Variants in PAFAH2 observed in about 807,000 individuals in gnomAD.
PAFAH2 encodes platelet activating factor acetylhydrolase 2.
In PAFAH2, 42 loss-of-function variants were observed where a neutral mutation model predicts 49.0. The ratio of observed to expected loss-of-function variants is 0.86; its 90% CI spans 0.67 to 1.11. The LOEUF (loss-of-function observed/expected upper bound fraction) is 1.11, where lower values mean the gene tolerates loss of function less well. Among genes scored for constraint, PAFAH2 ranks in the 50% least tolerant of loss-of-function variants. The pLI is 0.00. For missense variants in PAFAH2, 503 were observed against 501.8 expected (o/e 1.00, Z -0.02); for synonymous variants, 184 against 181.3 (o/e 1.01, Z -0.12).
At position 25,961,275 on chromosome 1, in the gene PAFAH2, C is replaced by A. The variant is rs894877553; in HGVS notation, c.*714G>T. ...GCTTTTGTTGTTTCCTATCAAGATA[C>A]ACTTAGCAAAACCCCCAAAGACATC... is the stretch of plus-strand genomic sequence containing the variant. On this transcript the variant is annotated 3_prime_UTR_variant, in exon 11 of 11. Coordinates refer to ENST00000374282, the MANE Select transcript of PAFAH2 (RefSeq NM_000437.4). 1 of 152,180 alleles carries A rather than the reference C, an allele frequency of 6.6e-6. No homozygotes were observed. The highest frequency in any genetic ancestry group is 2.1e-4 in the South Asian group (1 of 4,828). The allele number at this position is 152,180 out of a possible 1,614,324, so 9.4% of individuals were successfully genotyped here.
In PAFAH2 at chr1:25,976,719, TG is replaced by T. The variant is rs767649194; in HGVS notation, c.720del (p.Thr241GlnfsTer53). The T allele has an allele frequency of 2.1e-5, 34 of 1,614,258 alleles. No individual in the cohort carries two copies. In the South Asian group the frequency reaches 2.3e-4, roughly 11 times the overall value. On this transcript the variant is annotated frameshift_variant, in exon 8 of 11. Coordinates refer to ENST00000374282, the MANE Select transcript of PAFAH2 (RefSeq NM_000437.4). LOFTEE classifies it high-confidence loss of function. ...VAVMGHSFGG[A>X]TAILALAKET... ...TCCTTGGCCAAAGCCAGAATAGCTG[TG>T]GCCCCTCCAAATGAATGTCCCATCA...
intron 6 of PAFAH2, 94 bp from the exon 7 acceptor site, chr1:25,982,571 T>A: frequency 1.0e-6 from 1 of 965,628 alleles, no homozygotes; most frequent in Non-Finnish European, 1.6e-6. Flanking sequence ...AATGCACAGA[T>A]AGTCTACCCA....
chr1:25,963,752 C>T (rs373733322), intron 10 of PAFAH2, among the ~76,000 whole-genome samples: 12 of 152,180 alleles, frequency 7.9e-5, no homozygotes, highest in East Asian at 1.9e-4. Context: ...CCGCCCGCCT[C>T]GGCCTCCCAA....
intron 10 of PAFAH2, among the ~76,000 whole-genome samples, chr1:25,968,353 G>T (rs924660762): frequency 6.6e-6 from 1 of 152,064 alleles, no homozygotes; most frequent in African/African-American, 2.4e-5. Context: ...GTGGTGTTGG[G>T]AGTCTGAGGA....
intron 1 of PAFAH2, among the ~76,000 whole-genome samples, chr1:25,991,407 G>C (rs990162560): frequency 5.3e-5 from 8 of 152,006 alleles, no homozygotes; most frequent in African/African-American, 1.9e-4. Flanking sequence ...AGCCTCCTGA[G>C]TAGCTGGGAT....
intron 1 of PAFAH2, among the ~76,000 whole-genome samples, chr1:25,992,244 A>C (rs528561037): frequency 6.6e-6 from 1 of 152,314 alleles, no homozygotes; most frequent in South Asian, 2.1e-4. Context: ...AAACTACTGA[A>C]TATGGGGTAG....
intron 1 of PAFAH2, among the ~76,000 whole-genome samples, 184 bp downstream of exon 1, chr1:25,997,841 C>A (rs940641291): frequency 6.6e-6 from 1 of 151,978 alleles, no homozygotes; most frequent in Non-Finnish European, 1.5e-5. Flanking sequence ...GTTAAAAGTG[C>A]GAGGCGACCG....
chr1:25,996,173 T>C (rs1248937044), intron 1 of PAFAH2, among the ~76,000 whole-genome samples: 1 of 151,230 alleles, frequency 6.6e-6, no homozygotes, highest in East Asian at 1.9e-4. Context: ...CTGGGCAACA[T>C]GGCAAAATCC....
At chr1:25,963,496 A>G (rs1284976247) in intron 10 of PAFAH2, among the ~76,000 whole-genome samples, 3 of 151,896 alleles carry the variant, frequency 2.0e-5, no homozygotes, top group East Asian at 1.9e-4. Flanking sequence ...GAAGGACCCA[A>G]TGTTTTTTGT....
chr1:25,976,170 A>G (rs1282761190), intron 8 of PAFAH2, among the ~76,000 whole-genome samples: 1 of 151,888 alleles, frequency 6.6e-6, no homozygotes, highest in Non-Finnish European at 1.5e-5. Context: ...TTGAGACAGG[A>G]TCTTGCTCTA....
chr1:25,962,873 G>A (rs961907496), intron 10 of PAFAH2, among the ~76,000 whole-genome samples: 19 of 151,964 alleles, frequency 1.3e-4, no homozygotes, highest in Admixed American at 1.0e-3. Flanking sequence ...CAGGCTCAAG[G>A]AGGTTACTAG....
At chr1:25,979,044 C>A (rs1354771369) in intron 7 of PAFAH2, among the ~76,000 whole-genome samples, 1 of 152,180 alleles carries the variant, frequency 6.6e-6, no homozygotes, top group Non-Finnish European at 1.5e-5. Context: ...ATTCCCCAAA[C>A]TGGAAATTAC....
At chr1:25,966,472 C>T (rs761725692) in intron 10 of PAFAH2, among the ~76,000 whole-genome samples, 9 of 152,106 alleles carry the variant, frequency 5.9e-5, no homozygotes, top group Admixed American at 2.6e-4. Flanking sequence ...TTTGCAGAAC[C>T]GCAGGCCATT....
At chr1:25,963,148 G>T (rs763244488) in intron 10 of PAFAH2, among the ~76,000 whole-genome samples, 13 of 152,210 alleles carry the variant, frequency 8.5e-5, no homozygotes, top group Non-Finnish European at 1.8e-4. Flanking sequence ...GGGACAGAAG[G>T]CAGGGACCAC....
At chr1:25,991,333 T>A (rs950037293) in intron 1 of PAFAH2, among the ~76,000 whole-genome samples, 11 of 151,784 alleles carry the variant, frequency 7.2e-5, no homozygotes, top group African/African-American at 2.7e-4. Context: ...TAGGCTGGAG[T>A]GCAGTGGCAT....
Position 25,974,642 on chromosome 1 carries a change from A to G in PAFAH2, c.767T>C (p.Val256Ala). The change falls in exon 9 of 11, where the codon GTG becomes GCG. Residue 256 changes from valine (V) to alanine (A), a missense_variant. Val to Ala is a moderately conservative substitution (Grantham distance 64). Coordinates refer to ENST00000374282, the MANE Select transcript of PAFAH2 (RefSeq NM_000437.4). ...AGGAAACATCCAAGCATCCAGAGCC[A>G]CCGCACACCTGGAATAGGACCAGAC... ...LAKETQFRCA[V>A]ALDAWMFPLE... The G allele has an allele frequency of 6.2e-7, 1 of 1,613,454 alleles. No individual in the cohort carries two copies. The highest frequency in any genetic ancestry group is 8.5e-7 in the Non-Finnish European group (1 of 1,179,690).
At position 25,976,841 on chromosome 1, in the gene PAFAH2, C is replaced by T. The variant is rs1485624918; in HGVS notation, c.667-68G>A. 1.5e-5 allele frequency: 20 copies of T among 1,306,294 alleles called. No individual in the cohort carries two copies. The South Asian group carries it at 2.1e-4, about 13-fold the overall frequency. 80.9% of individuals were successfully genotyped at this position (1,306,294 alleles called of 1,614,324 possible). On this transcript the variant is annotated intron_variant, in intron 7 of 10. Transcript: ENST00000374282. ...TGCTTCTTTAGGAATTCATCAGGAG[C>T]AAGAGGAAGAAATAGTGAGGCAATG...
In PAFAH2 at chr1:25,988,224, C is replaced by A. The variant is rs1256596474; in HGVS notation, c.341+7G>T. On this transcript the variant is annotated splice_region_variant and intron_variant, in intron 4 of 10. Coordinates refer to ENST00000374282, the MANE Select transcript of PAFAH2 (RefSeq NM_000437.4). Reference sequence around the variant, plus strand: ...TATGGCAAGGTCTGGGGGAAAGAAGCTCTTACCTGAAGGCTCCTAGGCCAT... The same window carrying A: ...TATGGCAAGGTCTGGGGGAAAGAAGATCTTACCTGAAGGCTCCTAGGCCAT... 1 of 1,582,078 alleles carries A rather than the reference C, an allele frequency of 6.3e-7. No individual in the cohort carries two copies. Among genetic ancestry groups the A allele is most frequent in the Non-Finnish European group, 8.6e-7 (1 of 1,160,964 alleles).
At chr1:25,981,819 G>A (rs1026241705) in intron 7 of PAFAH2, among the ~76,000 whole-genome samples, 4 of 152,066 alleles carry the variant, frequency 2.6e-5, no homozygotes, top group South Asian at 2.1e-4. Flanking sequence ...TCAGGAGTTC[G>A]AGACCAGCCT....
Sources: allele counts gnomAD v4.1 joint callset (sites outside exome capture counted in the v4.1 genomes callset), GRCh38; gene constraint gnomAD v4.1.1; transcripts MANE v1.5; gene names NCBI Gene and HGNC (gene_info 2026-07-23, HGNC 2026-07-21).